The following GON4L variants were observed in gnomAD, a reference collection of about 807,000 sequenced individuals.
GON4L encodes the protein GON-4-like protein.
A neutral mutation model predicts 211.8 loss-of-function variants in GON4L; 87 were observed. The observed-to-expected ratio is 0.41, with a 90% CI of 0.35 to 0.49. The LOEUF (loss-of-function observed/expected upper bound fraction) is 0.49, where lower values mean the gene tolerates loss of function less well. GON4L is among the 20% of genes least tolerant of loss of function. GON4L has a pLI of 0.15. For synonymous variants in GON4L, 875 were observed against 962.6 expected (o/e 0.91, Z 1.68); for missense variants, 2,155 against 2,659.5 (o/e 0.81, Z 4.17).
intron 24 of GON4L, among the ~76,000 whole-genome samples, chr1:155,759,587 A>AT (rs538564767): frequency 0.031 from 4,568 of 148,444 alleles, 86 homozygotes; most frequent in Non-Finnish European, 0.042. Flanking sequence ...AAAAAAAAAA[A>AT]TTTTTTTTTT....
intron 10 of GON4L, among the ~76,000 whole-genome samples, chr1:155,807,125 G>A (rs1667205952): frequency 6.6e-6 from 1 of 151,518 alleles, no homozygotes; most frequent in Non-Finnish European, 1.5e-5. Flanking sequence ...AGGCACAGAG[G>A]CTCACATTTG....
chr1:155,821,340 TC>T (rs914274003), intron 5 of GON4L, 133 bp downstream of exon 5: 4 of 509,226 alleles, frequency 7.9e-6, no homozygotes, highest in African/African-American at 7.6e-5. Flanking sequence ...ACCAAGTAAT[TC>T]TTATGTTTTG....
Position 155,766,147 on chromosome 1 carries a change from T to A in GON4L, c.3326A>T (p.Lys1109Met), listed in dbSNP as rs748233150. 27 of 1,613,958 alleles carry A rather than the reference T, an allele frequency of 1.7e-5. No homozygotes were observed. Among genetic ancestry groups the A allele is most frequent in the East Asian group, 8.9e-5 (4 of 44,850 alleles). ...KVMLPSLAPS[K>M]FRKPYVRRRP... The stretch of plus-strand genomic sequence containing the variant: ...CCGTCTCACATATGGCTTTCGAAAC[T>A]TAGAAGGGGCAAGGGAGGGCAGCAT... Residue 1109 changes from lysine to methionine, a missense_variant, in exon 21 of 32, where the codon AAG (lysine) becomes ATG (methionine). Transcript: ENST00000368331.
chr1:155,778,022 A>G (rs910698946), intron 14 of GON4L, among the ~76,000 whole-genome samples: 3 of 152,204 alleles, frequency 2.0e-5, no homozygotes, highest in Non-Finnish European at 2.9e-5. Flanking sequence ...TGATGATTCT[A>G]TATTACACTC....
In GON4L at chr1:155,777,730, G is replaced by A; in HGVS notation, c.1983C>T (p.Ala661=). ...FEQLKMKKSS[A]KQLQEVEKVK... is the part of the protein sequence containing the mutation. ...CCTTCTCTACTTCCTGCAGCTGTTT[G>A]GCTGAAGATTTCTTCATCTTCAGCT... The change falls in exon 15 of 32, where the codon GCC becomes GCT. Residue 661 remains alanine, a synonymous_variant. Transcript: ENST00000368331. 1.9e-6 allele frequency: 3 copies of A among 1,611,350 alleles called. No homozygotes were observed. Among genetic ancestry groups the A allele is most frequent in the Non-Finnish European group, 1.7e-6 (2 of 1,177,510 alleles).
In GON4L at chr1:155,757,181, T is replaced by A; in HGVS notation, c.5396A>T (p.Glu1799Val). The A allele has an allele frequency of 6.2e-7, 1 of 1,613,882 alleles. No individual in the cohort carries two copies. Among genetic ancestry groups the A allele is most frequent in the Non-Finnish European group, 8.5e-7 (1 of 1,179,876 alleles). ...EINWTEEKEY[E>V]FDGFEEVALP... is the part of the protein sequence containing the mutation. ...CTACAGCAGCCTTAGGTCCTATACC[T>A]CATACTCCTTTTCCTCAGTCCAATT... Residue 1799 changes from glutamate to valine, a missense_variant and splice_region_variant, in exon 26 of 32, where the codon GAG becomes GTG. This residue lies in a region of GON4L where 455 missense variants were observed against 504.6 expected (regional missense o/e 0.90). Transcript: ENST00000368331.
At chr1:155,815,039 G>A (rs147426545) in intron 8 of GON4L, among the ~76,000 whole-genome samples, 44 of 152,156 alleles carry the variant, frequency 2.9e-4, no homozygotes, top group African/African-American at 7.9e-4. Context: ...GCCTGAACCC[G>A]GGAGATGGAG....
chr1:155,835,330 G>C (rs891744069), intron 2 of GON4L, among the ~76,000 whole-genome samples: 1 of 151,896 alleles, frequency 6.6e-6, no homozygotes, highest in Non-Finnish European at 1.5e-5. Flanking sequence ...AAACACTGCG[G>C]AAGGCCGCAG....
chr1:155,748,561 T>C, downstream of GON4L: 2 of 1,613,680 alleles, frequency 1.2e-6, no homozygotes, highest in Admixed American at 1.7e-5. Context: ...GTTGGGTCAG[T>C]GCTGAGAAAA....
chr1:155,823,332 G>C (rs1668898584), intron 3 of GON4L, among the ~76,000 whole-genome samples: 1 of 152,092 alleles, frequency 6.6e-6, no homozygotes, highest in Admixed American at 6.6e-5. Flanking sequence ...AAAAAAACAT[G>C]ATCTTAATAG....
chr1:155,751,265 C>A (rs1279479237), intron 31 of GON4L, among the ~76,000 whole-genome samples: 2 of 152,130 alleles, frequency 1.3e-5, no homozygotes, highest in Non-Finnish European at 2.9e-5. Flanking sequence ...ACTTTAAAAT[C>A]CTGGCCGGGC....
Position 155,853,436 on chromosome 1 carries a change from A to G in GON4L, c.345T>C (p.Asn115=). Residue 115 remains asparagine (N), a synonymous_variant, in exon 2 of 32, where the codon AAT becomes AAC. Coordinates refer to ENST00000368331, the MANE Select transcript of GON4L (RefSeq NM_001282860.2). ...GGAGTTTTCCTTTACCAATGTGTAT[A>G]TTAAGGGGGTGAAAAGACTCCAAGG... ...LPSLESFHPL[N]IHIGKGKLHA... is the part of the protein sequence containing the mutation. The G allele has an allele frequency of 6.2e-7, 1 of 1,614,042 alleles. No individual in the cohort carries two copies.
intron 10 of GON4L, among the ~76,000 whole-genome samples, chr1:155,806,087 A>C (rs998324700): frequency 1.3e-5 from 2 of 151,052 alleles, no homozygotes; most frequent in Non-Finnish European, 2.9e-5. Flanking sequence ...TCCTGGGCTC[A>C]AGCAATTCTC....
intron 11 of GON4L, among the ~76,000 whole-genome samples, chr1:155,797,803 G>T (rs1666220526): frequency 6.6e-6 from 1 of 151,014 alleles, no homozygotes; most frequent in Non-Finnish European, 1.5e-5. Flanking sequence ...CAGTGAGCTG[G>T]GATCATGCCA....
At chr1:155,779,004 C>T (rs1318996885) in intron 14 of GON4L, among the ~76,000 whole-genome samples, 3 of 151,850 alleles carry the variant, frequency 2.0e-5, no homozygotes, top group Admixed American at 6.6e-5. Flanking sequence ...CGGTGGCTCA[C>T]GCCTGTAATC....
chr1:155,858,573 C>T (rs142843892), upstream of GON4L, among the ~76,000 whole-genome samples: 5 of 150,452 alleles, frequency 3.3e-5, no homozygotes, highest in East Asian at 7.8e-4. Context: ...ATACGAAACC[C>T]TAAGCACTTG....
chr1:155,787,310 GAA>G (rs982428717), intron 12 of GON4L, among the ~76,000 whole-genome samples: 3 of 148,566 alleles, frequency 2.0e-5, no homozygotes, highest in African/African-American at 7.4e-5. Flanking sequence ...AGAATCTGAG[GAA>G]AAAAAAAAGT....
chr1:155,816,238 G>T lies in GON4L; in HGVS notation c.1039C>A (p.Pro347Thr). Residue 347 changes from proline to threonine, a missense_variant, in exon 7 of 32, where the codon CCA becomes ACA. Pro to Thr is a conservative substitution (Grantham distance 38, BLOSUM62 -1). Around this residue, in one of 6 missense-constraint regions of GON4L, gnomAD observed 551 missense variants for 854.0 expected, o/e 0.65. Transcript: ENST00000368331. ...GVVIPTWNISPIKKANEIKPP... is the reference protein window; with the variant it reads ...GVVIPTWNISTIKKANEIKPP... ...TTAATTTCATTGGCCTTCTTAATTGGTGAAATATTCCATGTTGGAATTACC... is the reference window on the plus strand; with the variant it reads ...TTAATTTCATTGGCCTTCTTAATTGTTGAAATATTCCATGTTGGAATTACC... The T allele has an allele frequency of 7.5e-7, 1 of 1,325,398 alleles. No homozygotes were observed. Among genetic ancestry groups the T allele is most frequent in the Non-Finnish European group, 1.1e-6 (1 of 918,686 alleles). 82.1% of individuals were successfully genotyped at this position (1,325,398 alleles called of 1,614,324 possible).
chr1:155,852,187 A>C (rs952490371), intron 2 of GON4L, among the ~76,000 whole-genome samples: 10 of 144,570 alleles, frequency 6.9e-5, no homozygotes, highest in African/African-American at 1.3e-4. Flanking sequence ...AAAAAAAAGA[A>C]GTCATCTCCC....
Sources: gnomAD v4.1 joint callset for allele counts (sites outside exome capture counted in the v4.1 genomes callset) on GRCh38, gnomAD v4.1.1 for gene constraint, gnomAD v4.1.1 regional missense constraint, MANE v1.5 for transcripts, NCBI Gene and HGNC (gene_info 2026-07-23, HGNC 2026-07-21) for gene names.